The following FSTL5 variants were observed in gnomAD, a reference collection of about 807,000 sequenced individuals.
FSTL5 encodes follistatin-related protein 5.
FSTL5 carries 62 observed loss-of-function variants against 89.1 expected under a neutral mutation model. The observed-to-expected ratio is 0.70, with a 90% CI of 0.57 to 0.86. The LOEUF is 0.86. Ranked by LOEUF, FSTL5 falls within the 40% of genes least tolerant of loss-of-function variation. FSTL5 has a pLI of 0.00. For missense variants in FSTL5, 1,057 were observed against 1,001.6 expected (o/e 1.06, Z -0.75); for synonymous variants, 383 against 346.2 (o/e 1.11, Z -1.18).
chr4:161,902,001 T>G (rs1733380549), intron 4 of FSTL5, among the ~76,000 whole-genome samples: 1 of 152,194 alleles, frequency 6.6e-6, no homozygotes, highest in Admixed American at 6.5e-5. Flanking sequence ...AAGATTAGTA[T>G]ACATGTGGAA....
intron 3 of FSTL5, among the ~76,000 whole-genome samples, chr4:162,024,978 A>T (rs1737225251): frequency 6.6e-6 from 1 of 152,090 alleles, no homozygotes; most frequent in Non-Finnish European, 1.5e-5. Context: ...TCATTATTAT[A>T]ACGTCAAATT....
At chr4:161,880,864 A>G (rs1192934649) in intron 4 of FSTL5, among the ~76,000 whole-genome samples, 2 of 152,142 alleles carry the variant, frequency 1.3e-5, no homozygotes, top group Non-Finnish European at 2.9e-5. Context: ...CAGAGATTAT[A>G]CCAGTAGTTG....
At chr4:162,152,394 C>A (rs78916765) in intron 1 of FSTL5, among the ~76,000 whole-genome samples, 41 of 152,098 alleles carry the variant, frequency 2.7e-4, no homozygotes. Context: ...TCTTTGTAAG[C>A]GCACTAACTC....
chr4:161,392,089 A>T (rs577648110), intron 15 of FSTL5, among the ~76,000 whole-genome samples: 1 of 152,312 alleles, frequency 6.6e-6, no homozygotes, highest in East Asian at 1.9e-4. Flanking sequence ...GTTCTAGGCA[A>T]AATCAAAACC....
chr4:161,611,231 C>CATATATATATATATAT (rs70937667), intron 7 of FSTL5, among the ~76,000 whole-genome samples: 7 of 128,488 alleles, frequency 5.4e-5, no homozygotes, highest in Non-Finnish European at 8.1e-5. Context: ...TATGTGTATA[C>CATATATATATATATAT]ATATATATAT....
At chr4:161,760,022 ACTC>A (rs1222127158) in intron 5 of FSTL5, among the ~76,000 whole-genome samples, 3 of 147,554 alleles carry the variant, frequency 2.0e-5, no homozygotes, top group Non-Finnish European at 4.5e-5. Context: ...CTCTGCCTGA[ACTC>A]CTCCCCAGCT....
At chr4:162,141,722 A>G (rs1488673597) in intron 1 of FSTL5, among the ~76,000 whole-genome samples, 1 of 152,104 alleles carries the variant, frequency 6.6e-6, no homozygotes, top group African/African-American at 2.4e-5. Context: ...AGATTGTGAT[A>G]CTTATGTTTG....
At chr4:161,914,270 A>G (rs2110840709) in intron 4 of FSTL5, among the ~76,000 whole-genome samples, 1 of 152,306 alleles carries the variant, frequency 6.6e-6, no homozygotes, top group African/African-American at 2.4e-5. Context: ...GCTCAAACAC[A>G]TATTTCACAC....
intron 3 of FSTL5, among the ~76,000 whole-genome samples, chr4:161,975,230 T>G (rs1735598957): frequency 1.4e-5 from 2 of 141,478 alleles, no homozygotes; most frequent in Non-Finnish European, 3.1e-5. Context: ...AAATACCATT[T>G]GACCCAGCCA....
At chr4:162,132,180 A>C (rs746868280) in intron 1 of FSTL5, among the ~76,000 whole-genome samples, 8 of 152,206 alleles carry the variant, frequency 5.3e-5, no homozygotes, top group Middle Eastern at 3.2e-3. Context: ...TCAGTGTTTA[A>C]GTTTAGGTGT....
intron 7 of FSTL5, among the ~76,000 whole-genome samples, chr4:161,617,459 G>A (rs183670311): frequency 2.6e-5 from 4 of 152,204 alleles, no homozygotes; most frequent in Admixed American, 6.5e-5. Flanking sequence ...AATAGAGATA[G>A]AAAAATCATT....
intron 10 of FSTL5, among the ~76,000 whole-genome samples, chr4:161,513,272 G>GGAGAGAGAGAGAGA (rs6148753): frequency 0.023 from 2,525 of 109,668 alleles, 341 homozygotes; most frequent in East Asian, 0.094. Flanking sequence ...ACAAGGAGGG[G>GGAGAGAGAGAGAGA]GAGAGAGAGA....
At chr4:161,718,930 T>G (rs963732146) in intron 6 of FSTL5, among the ~76,000 whole-genome samples, 8 of 152,154 alleles carry the variant, frequency 5.3e-5, no homozygotes, top group African/African-American at 1.9e-4. Flanking sequence ...GATAAACAAA[T>G]TAAAATTCAC....
At chr4:161,915,652 G>A (rs1044280094) in intron 4 of FSTL5, among the ~76,000 whole-genome samples, 3 of 152,054 alleles carry the variant, frequency 2.0e-5, no homozygotes, top group Admixed American at 2.0e-4. Context: ...GAATTCAGAG[G>A]AACTGGAAAC....
chr4:162,031,720 G>C (rs1015318872), intron 3 of FSTL5, among the ~76,000 whole-genome samples: 8 of 152,120 alleles, frequency 5.3e-5, no homozygotes, highest in African/African-American at 1.9e-4. Context: ...GGAGGATTAT[G>C]AGGTCAAGAG....
chr4:161,838,863 C>T (rs1731129140), intron 4 of FSTL5, among the ~76,000 whole-genome samples: 1 of 151,776 alleles, frequency 6.6e-6, no homozygotes, highest in Non-Finnish European at 1.5e-5. Flanking sequence ...ATTTAAAAGC[C>T]AGAAATCATA....
intron 12 of FSTL5, among the ~76,000 whole-genome samples, chr4:161,494,784 G>A (rs1440522246): frequency 3.9e-5 from 6 of 152,120 alleles, no homozygotes; most frequent in African/African-American, 4.8e-5. Flanking sequence ...GAATAGGCTG[G>A]CTGAGGTGTC....
chr4:161,691,550 G>GA (rs1180225914), intron 6 of FSTL5, among the ~76,000 whole-genome samples: 2 of 151,994 alleles, frequency 1.3e-5, no homozygotes, highest in Non-Finnish European at 2.9e-5. Context: ...TAATTTTCTA[G>GA]AAAAAAGGAC....
At chr4:161,975,357 C>G (rs901303038) in intron 3 of FSTL5, among the ~76,000 whole-genome samples, 15 of 152,086 alleles carry the variant, frequency 9.9e-5, no homozygotes, top group Non-Finnish European at 1.9e-4. Flanking sequence ...CCAACCCAAA[C>G]GTCCAACAGT....
Sources: gnomAD v4.1 joint callset for allele counts (sites outside exome capture counted in the v4.1 genomes callset) on GRCh38, gnomAD v4.1.1 for gene constraint, MANE v1.5 for transcripts, NCBI Gene and HGNC (gene_info 2026-07-23, HGNC 2026-07-21) for gene names.